The following SCOC variants were observed in gnomAD, a reference collection of about 807,000 sequenced individuals.
SCOC encodes short coiled-coil protein.
Under a neutral mutation model 9.9 loss-of-function variants are expected in SCOC, and 7 were observed. The ratio of observed to expected loss-of-function variants is 0.71; its 90% CI spans 0.40 to 1.33. The LOEUF (loss-of-function observed/expected upper bound fraction) is 1.33. SCOC is among the 40% of genes most tolerant of loss of function. SCOC has a pLI of 0.01. For synonymous variants in SCOC, 19 were observed against 28.2 expected (o/e 0.67, Z 1.03); for missense variants, 66 against 89.7 (o/e 0.74, Z 1.07).
chr4:140,326,647 C>A (rs200326031), intron 1 of SCOC, among the ~76,000 whole-genome samples: 15 of 151,950 alleles, frequency 9.9e-5, no homozygotes, highest in South Asian at 2.1e-4. Context: ...AGGCAGACCC[C>A]CCCCCCTACA....
chr4:140,379,303 A>G (rs866589229), intron 2 of SCOC, 111 bp downstream of exon 2: 14 of 813,114 alleles, frequency 1.7e-5, no homozygotes, highest in Middle Eastern at 4.9e-4. Flanking sequence ...GATCTTGGCT[A>G]ATTACTTATT....
intron 1 of SCOC, among the ~76,000 whole-genome samples, chr4:140,300,402 C>G (rs1263563383): frequency 2.6e-5 from 4 of 152,208 alleles, no homozygotes; most frequent in African/African-American, 9.7e-5. Context: ...CTTAGGAAAG[C>G]TGAGGCAATA....
chr4:140,362,229 A>G (rs1578860061), intron 2 of SCOC, among the ~76,000 whole-genome samples: 1 of 147,204 alleles, frequency 6.8e-6, no homozygotes, highest in African/African-American at 2.5e-5. Flanking sequence ...AATTTTAAGC[A>G]ATTGTTTTAA....
chr4:140,344,087 C>CTAGACTA (rs1726613281), intron 2 of SCOC, among the ~76,000 whole-genome samples: 1 of 152,154 alleles, frequency 6.6e-6, no homozygotes, highest in African/African-American at 2.4e-5. Flanking sequence ...GAAAACTGAA[C>CTAGACTA]TAGACTATGC....
At chr4:140,379,321 C>T in intron 2 of SCOC, 129 bp downstream of exon 2, 1 of 752,418 alleles carries the variant, frequency 1.3e-6, no homozygotes, top group South Asian at 1.6e-5. Context: ...ATTTATATCT[C>T]ATCTAGTGTT....
At chr4:140,317,027 T>A (rs1002860727) in intron 1 of SCOC, among the ~76,000 whole-genome samples, 1 of 152,184 alleles carries the variant, frequency 6.6e-6, no homozygotes, top group Non-Finnish European at 1.5e-5. Context: ...CTATGGAGAC[T>A]CGTTGTTTTC....
upstream of SCOC, among the ~76,000 whole-genome samples, chr4:140,340,527 C>T (rs570653613): frequency 6.6e-6 from 1 of 151,514 alleles, no homozygotes; most frequent in East Asian, 1.9e-4. Context: ...AAATTTTGGG[C>T]AACTGGATAT....
intron 2 of SCOC, among the ~76,000 whole-genome samples, chr4:140,367,922 C>G (rs1468781262): frequency 1.3e-5 from 2 of 152,192 alleles, no homozygotes; most frequent in African/African-American, 2.4e-5. Flanking sequence ...GAACCATTCA[C>G]TTAACTCACT....
At chr4:140,323,148 T>C (rs1031579011) in intron 1 of SCOC, among the ~76,000 whole-genome samples, 1 of 152,094 alleles carries the variant, frequency 6.6e-6, no homozygotes, top group African/African-American at 2.4e-5. Flanking sequence ...GGTTGGGTCA[T>C]AGGGGCAGAT....
chr4:140,347,926 ATTC>A (rs1726809825), intron 2 of SCOC, among the ~76,000 whole-genome samples: 1 of 152,190 alleles, frequency 6.6e-6, no homozygotes, highest in African/African-American at 2.4e-5. Context: ...TTATGGGAAC[ATTC>A]TTCATTTCTC....
chr4:140,285,878 C>T (rs17005686), intron 1 of SCOC, among the ~76,000 whole-genome samples: 43,196 of 151,986 alleles, frequency 0.28, 10,029 homozygotes, highest in African/African-American at 0.63. Flanking sequence ...ATCTGCACCA[C>T]GGTGTTAGAA....
chr4:140,304,199 G>C (rs1301320392), intron 1 of SCOC, among the ~76,000 whole-genome samples: 1 of 152,104 alleles, frequency 6.6e-6, no homozygotes, highest in African/African-American at 2.4e-5. Flanking sequence ...TATGGCGCTG[G>C]GCATGGATAA....
chr4:140,324,538 T>C (rs1350371909), intron 1 of SCOC, among the ~76,000 whole-genome samples: 1 of 152,134 alleles, frequency 6.6e-6, no homozygotes, highest in Non-Finnish European at 1.5e-5. Context: ...ATTCCTATAT[T>C]CCAGAAATGA....
chr4:140,328,965 G>T (rs1304625125), intron 1 of SCOC, among the ~76,000 whole-genome samples: 1 of 152,062 alleles, frequency 6.6e-6, no homozygotes, highest in African/African-American at 2.4e-5. Context: ...AAATTCATAT[G>T]GAACCAAAAA....
At chr4:140,281,554 T>C (rs1445239298) in intron 1 of SCOC, among the ~76,000 whole-genome samples, 1 of 152,222 alleles carries the variant, frequency 6.6e-6, no homozygotes, top group Admixed American at 6.5e-5. Flanking sequence ...GGCAGCGCTG[T>C]TATTTCTTGC....
intron 2 of SCOC, among the ~76,000 whole-genome samples, chr4:140,348,986 C>G (rs1016132526): frequency 2.6e-5 from 4 of 152,214 alleles, no homozygotes; most frequent in Middle Eastern, 3.4e-3. Context: ...TTTCATATAC[C>G]CATTGGCCAT....
chr4:140,359,211 G>A (rs1286444222), intron 2 of SCOC, among the ~76,000 whole-genome samples: 6 of 152,172 alleles, frequency 3.9e-5, no homozygotes, highest in African/African-American at 1.4e-4. Flanking sequence ...TCAGATGTGG[G>A]TGGGGGCTGC....
chr4:140,367,378 A>G (rs1727849634), intron 2 of SCOC, among the ~76,000 whole-genome samples: 1 of 152,138 alleles, frequency 6.6e-6, no homozygotes. Flanking sequence ...TTGATTTTAA[A>G]GCCAGATTAT....
intron 1 of SCOC, chr4:140,283,727 A>G (rs1731150964): frequency 6.6e-6 from 1 of 152,200 alleles, no homozygotes; most frequent in South Asian, 2.1e-4. Flanking sequence ...TCTCTCATTG[A>G]TTTATCCCAT....
Sources: gnomAD v4.1 joint callset for allele counts (sites outside exome capture counted in the v4.1 genomes callset) on GRCh38, gnomAD v4.1.1 for gene constraint, MANE v1.5 for transcripts, NCBI Gene and HGNC (gene_info 2026-07-23, HGNC 2026-07-21) for gene names.